The following CDS2 variants were observed in gnomAD, a reference collection of about 807,000 sequenced individuals.
CDS2 encodes CDP-diacylglycerol synthase 2.
Under a neutral mutation model 59.0 loss-of-function variants are expected in CDS2, and 47 were observed. The ratio of observed to expected loss-of-function variants is 0.80; its 90% CI spans 0.63 to 1.02. The LOEUF is 1.02. Ranked by LOEUF, CDS2 falls within the 50% of genes least tolerant of loss-of-function variation. CDS2 has a pLI of 0.00. For synonymous variants in CDS2, 207 were observed against 206.4 expected, an observed-to-expected ratio of 1.00 and a Z score of -0.02; for missense variants, 356 against 558.9, an observed-to-expected ratio of 0.64 and a Z score of 3.66.
At chr20:5,170,835 A>G (rs1351408172) in intron 1 of CDS2, among the ~76,000 whole-genome samples, 2 of 152,258 alleles carry the variant, frequency 1.3e-5, no homozygotes, top group Non-Finnish European at 2.9e-5. Flanking sequence ...AAAGAAGAAA[A>G]GAGAGAAGAA....
chr20:5,133,744 C>T (rs1021138958), intron 1 of CDS2, among the ~76,000 whole-genome samples: 10 of 152,226 alleles, frequency 6.6e-5, no homozygotes, highest in South Asian at 4.1e-4. Flanking sequence ...AGGCTGGTCT[C>T]GAACTCCTGA....
chr20:5,169,186 C>T (rs1391715301), intron 1 of CDS2, among the ~76,000 whole-genome samples: 1 of 152,168 alleles, frequency 6.6e-6, no homozygotes, highest in Non-Finnish European at 1.5e-5. Context: ...TGAGAGAGAA[C>T]CTGAGAGGGT....
Position 5,152,331 on chromosome 20 carries a change from A to T in CDS2, c.58-21192A>T, listed in dbSNP as rs8116946. Among the ~76,000 whole-genome samples, 1,368 of 152,262 alleles carry T rather than the reference A, an allele frequency of 9.0e-3. 21 individuals are homozygous for T. The highest frequency in any genetic ancestry group is 0.029 in the African/African-American group (1,211 of 41,540). On this transcript the variant is annotated intron_variant, in intron 1 of 12. Transcript: ENST00000460006. ...GATTTCTTTTTTTGGCCAAGATTGCAGCCTTTTAATTGCTAGTGTCCTATG... is the reference window on the plus strand; with the variant it reads ...GATTTCTTTTTTTGGCCAAGATTGCTGCCTTTTAATTGCTAGTGTCCTATG...
At chr20:5,145,236 A>ACCCCCCCCCCCCCCCCCC (rs796723724) in intron 1 of CDS2, among the ~76,000 whole-genome samples, 1 of 51,968 alleles carries the variant, frequency 1.9e-5, no homozygotes, top group African/African-American at 7.3e-5. Context: ...GAAAGGAAAG[A>ACCCCCCCCCCCCCCCCCC]CCCCCCCCCC....
At position 5,194,905 on chromosome 20, in the gene CDS2, T is replaced by G. The variant is rs2091145461; in HGVS notation, c.*4671T>G. On this transcript the variant is annotated 3_prime_UTR_variant, in exon 13 of 13. Coordinates refer to ENST00000460006, the MANE Select transcript of CDS2 (RefSeq NM_003818.4). Reference sequence around the variant, plus strand: ...ATGTGCCAGGCATAGTGCTAAGGGTTTACATACGTTATCCCTTTTAATCCA... The same window carrying G: ...ATGTGCCAGGCATAGTGCTAAGGGTGTACATACGTTATCCCTTTTAATCCA... 2 of 152,186 alleles carry G rather than the reference T, an allele frequency of 1.3e-5. No homozygotes were observed. The highest frequency in any genetic ancestry group is 2.1e-4 in the South Asian group (1 of 4,826). 9.4% of individuals were successfully genotyped at this position (152,186 alleles called of 1,614,324 possible). A position where few individuals can be genotyped will look rare whatever the true frequency, so the allele number is the denominator to read the frequency against.
chr20:5,138,030 C>A (rs1189265926), intron 1 of CDS2, among the ~76,000 whole-genome samples: 1 of 151,834 alleles, frequency 6.6e-6, no homozygotes, highest in Non-Finnish European at 1.5e-5. Context: ...ATCTCCTGAC[C>A]TCGTGATGCG....
rs572330010 is a variant in CDS2 at position 5,177,426 on chromosome 20, C to T, written c.389+681C>T. Reference sequence around the variant, plus strand: ...GGCTGAATGCATGGGATCTGGGCTCCGCTGGGAAAGTTGGCTTTCTCCGTT... The same window carrying T: ...GGCTGAATGCATGGGATCTGGGCTCTGCTGGGAAAGTTGGCTTTCTCCGTT... On this transcript the variant is annotated intron_variant, in intron 4 of 12. Coordinates refer to ENST00000460006, the MANE Select transcript of CDS2 (RefSeq NM_003818.4). Among the ~76,000 whole-genome samples the T allele has an allele frequency of 5.3e-5, 8 of 152,078 alleles. No individual in the cohort carries two copies. The South Asian group carries it at 1.2e-3, about 24-fold the overall frequency.
At chr20:5,132,891 G>A (rs2090618731) in intron 1 of CDS2, among the ~76,000 whole-genome samples, 2 of 151,966 alleles carry the variant, frequency 1.3e-5, no homozygotes, top group Admixed American at 6.6e-5. Flanking sequence ...AATTTTTATC[G>A]GCCGGGCGCG....
intron 1 of CDS2, among the ~76,000 whole-genome samples, chr20:5,138,042 A>G (rs1159313919): frequency 6.6e-6 from 1 of 151,360 alleles, no homozygotes; most frequent in African/African-American, 2.4e-5. Context: ...CGTGATGCGC[A>G]TGTCTCAGCT....
rs1240090062 is a variant in CDS2 at position 5,197,268 on chromosome 20, G to A, written c.*7034G>A. 2.3e-5 allele frequency: 3 copies of A among 130,046 alleles called. No homozygotes were observed. The highest frequency in any genetic ancestry group is 3.1e-5 in the Non-Finnish European group (2 of 63,630). 8.1% of individuals were successfully genotyped at this position (130,046 alleles called of 1,614,324 possible). A position where few individuals can be genotyped will look rare whatever the true frequency, so the allele number is the denominator to read the frequency against. On this transcript the variant is annotated 3_prime_UTR_variant, in exon 13 of 13. Coordinates refer to ENST00000460006, the MANE Select transcript of CDS2 (RefSeq NM_003818.4). ...TTTTTTTGGTTTTTTTTTTTTGATC[G>A]AGCTGTGGACATCCTTCTTAATTCG...
chr20:5,131,025 G>A lies in CDS2; in HGVS notation c.57+3876G>A, dbSNP rs560275784. 5.3e-5 allele frequency among the ~76,000 whole-genome samples: 8 copies of A among 151,032 alleles called. No individual in the cohort carries two copies. In the East Asian group the frequency reaches 1.2e-3, roughly 22 times the overall value. Reference sequence around the variant, plus strand: ...GGAGAATGGCGTGAACCTGGGAGGCGGAGCTTGCAGTGAGCCGAGATGGCG... The same window carrying A: ...GGAGAATGGCGTGAACCTGGGAGGCAGAGCTTGCAGTGAGCCGAGATGGCG... On this transcript the variant is annotated intron_variant, in intron 1 of 12. Coordinates refer to ENST00000460006, the MANE Select transcript of CDS2 (RefSeq NM_003818.4).
At chr20:5,138,897 T>G (rs919993163) in intron 1 of CDS2, among the ~76,000 whole-genome samples, 5 of 152,064 alleles carry the variant, frequency 3.3e-5, no homozygotes, top group Admixed American at 6.6e-5. Context: ...CAGATATTTT[T>G]TAAATCCTGA....
At chr20:5,130,797 G>C (rs753978431) in intron 1 of CDS2, among the ~76,000 whole-genome samples, 3 of 144,928 alleles carry the variant, frequency 2.1e-5, no homozygotes, top group Non-Finnish European at 4.6e-5. Context: ...TAAAAGAAAA[G>C]AAAAGCTCTG....
In CDS2 at chr20:5,195,350, G is replaced by A. The variant is rs2091149358; in HGVS notation, c.*5116G>A. ...CACGCCAACCTTAACATCCCCTACAGCATCTTGGTGCTTCACACACCATTT... is the reference window on the plus strand; with the variant it reads ...CACGCCAACCTTAACATCCCCTACAACATCTTGGTGCTTCACACACCATTT... On this transcript the variant is annotated 3_prime_UTR_variant, in exon 13 of 13. Transcript: ENST00000460006. 1 of 152,284 alleles carries A rather than the reference G, an allele frequency of 6.6e-6. No individual in the cohort carries two copies. Among genetic ancestry groups the A allele is most frequent in the Non-Finnish European group, 1.5e-5 (1 of 68,062 alleles). The allele number at this position is 152,284 out of a possible 1,614,324, so 9.4% of individuals were successfully genotyped here.
intron 1 of CDS2, among the ~76,000 whole-genome samples, chr20:5,146,703 A>C (rs993856493): frequency 3.3e-5 from 5 of 152,212 alleles, no homozygotes; most frequent in Admixed American, 6.5e-5. Flanking sequence ...AAACCATTAC[A>C]ACAAAATTTC....
At chr20:5,187,050 G>A (rs528631843) in intron 10 of CDS2, 41 of 404,232 alleles carry the variant, frequency 1.0e-4, no homozygotes, top group African/African-American at 6.1e-4. Context: ...GGTTTTCAAA[G>A]TGTGTTCTGT....
At chr20:5,162,639 T>A (rs1160083005) in intron 1 of CDS2, among the ~76,000 whole-genome samples, 1 of 152,082 alleles carries the variant, frequency 6.6e-6, no homozygotes, top group Admixed American at 6.5e-5. Flanking sequence ...ATACAAATGT[T>A]GGGGTCATTG....
At chr20:5,135,309 A>G (rs906344824) in intron 1 of CDS2, among the ~76,000 whole-genome samples, 6 of 152,160 alleles carry the variant, frequency 3.9e-5, no homozygotes, top group African/African-American at 7.2e-5. Context: ...TGGTTTTCAC[A>G]CTTTTCCATC....
At chr20:5,160,465 A>G (rs2090868222) in intron 1 of CDS2, among the ~76,000 whole-genome samples, 1 of 152,140 alleles carries the variant, frequency 6.6e-6, no homozygotes, top group Admixed American at 6.5e-5. Flanking sequence ...GTTGGGGTGG[A>G]TACAGCTGTT....
Sources: allele counts gnomAD v4.1 joint callset (sites outside exome capture counted in the v4.1 genomes callset), GRCh38; gene constraint gnomAD v4.1.1; transcripts MANE v1.5; gene names NCBI Gene and HGNC (gene_info 2026-07-23, HGNC 2026-07-21).